The following CTTNBP2 variants were observed in gnomAD, a reference collection of about 807,000 sequenced individuals.
CTTNBP2 encodes the protein cortactin-binding protein 2.
CTTNBP2 carries 108 observed loss-of-function variants against 156.9 expected under a neutral mutation model. The observed-to-expected ratio is 0.69, with a 90% CI of 0.59 to 0.81. The LOEUF (loss-of-function observed/expected upper bound fraction) is 0.81. Among genes scored for constraint, CTTNBP2 ranks in the 30% least tolerant of loss-of-function variants. The pLI is 0.00. For missense variants in CTTNBP2, 1,924 were observed against 2,035.4 expected (o/e 0.95, Z 1.05); for synonymous variants, 767 against 751.8 (o/e 1.02, Z -0.33).
intron 2 of CTTNBP2, among the ~76,000 whole-genome samples, chr7:117,824,773 C>T (rs769955503): frequency 2.0e-5 from 3 of 152,248 alleles, no homozygotes; most frequent in Non-Finnish European, 4.4e-5. Context: ...GCTTCCTTCA[C>T]TTCAACGCCT....
chr7:117,814,368 T>C (rs779447414), intron 2 of CTTNBP2, among the ~76,000 whole-genome samples: 3 of 152,262 alleles, frequency 2.0e-5, no homozygotes, highest in Admixed American at 6.5e-5. Context: ...TGCAGACGAA[T>C]TTTTTTCTGC....
At chr7:117,769,943 C>T (rs1797715605) in intron 8 of CTTNBP2, among the ~76,000 whole-genome samples, 1 of 152,196 alleles carries the variant, frequency 6.6e-6, no homozygotes, top group African/African-American at 2.4e-5. Context: ...TTTCATTTCT[C>T]TATCTGTATT....
chr7:117,814,525 T>C (rs1800467218), intron 2 of CTTNBP2, among the ~76,000 whole-genome samples: 1 of 152,150 alleles, frequency 6.6e-6, no homozygotes, highest in Admixed American at 6.5e-5. Flanking sequence ...TCTCAGGCTT[T>C]AGTGATCTTC....
At chr7:117,734,736 A>C (rs966197165) in intron 16 of CTTNBP2, among the ~76,000 whole-genome samples, 177 bp downstream of exon 16, 1 of 152,202 alleles carries the variant, frequency 6.6e-6, no homozygotes, top group Non-Finnish European at 1.5e-5. Context: ...CTTGTAGTTA[A>C]TGTAGTGCAG....
intron 2 of CTTNBP2, among the ~76,000 whole-genome samples, chr7:117,858,563 C>A (rs1043981656): frequency 6.6e-6 from 1 of 152,122 alleles, no homozygotes; most frequent in African/African-American, 2.4e-5. Flanking sequence ...GCCAGTGGTT[C>A]TCCACAGGAG....
Position 117,784,430 on chromosome 7 carries a change from A to C in CTTNBP2, c.2093T>G (p.Leu698Trp), listed in dbSNP as rs767674226. ...GGGGGCAGGACCACCACTCATTAGC[A>C]AAGGGGTTAGGGAGGGTGACCAGCC... ...ASGWSPSLTP[L>W]LMSGGPAPLA... Residue 698 changes from leucine (L) to tryptophan (W), a missense_variant, in exon 5 of 23, where the codon TTG becomes TGG. Physicochemically the swap from Leu to Trp is moderately conservative, Grantham distance 61. Coordinates refer to ENST00000160373, the MANE Select transcript of CTTNBP2 (RefSeq NM_033427.3). 2 of 1,606,592 alleles carry C rather than the reference A, an allele frequency of 1.2e-6. No individual in the cohort carries two copies. Among genetic ancestry groups the C allele is most frequent in the Non-Finnish European group, 1.7e-6 (2 of 1,177,550 alleles).
At chr7:117,715,379 T>G (rs1260643418) in intron 22 of CTTNBP2, among the ~76,000 whole-genome samples, 1 of 151,058 alleles carries the variant, frequency 6.6e-6, no homozygotes, top group Non-Finnish European at 1.5e-5. Context: ...TTTAGAACAG[T>G]GGGTCTCAAC....
intron 3 of CTTNBP2, among the ~76,000 whole-genome samples, chr7:117,796,043 T>A (rs35967598): frequency 0.014 from 2,084 of 152,280 alleles, 50 homozygotes; most frequent in African/African-American, 0.047. Context: ...ACAGACTCCT[T>A]TATCAAAAAC....
chr7:117,869,089 T>A (rs564559847), intron 1 of CTTNBP2, among the ~76,000 whole-genome samples: 1 of 152,324 alleles, frequency 6.6e-6, no homozygotes, highest in South Asian at 2.1e-4. Context: ...AATCATCATT[T>A]TGAAAAGCGA....
At chr7:117,741,261 G>A (rs1446663049) in intron 14 of CTTNBP2, among the ~76,000 whole-genome samples, 1 of 152,178 alleles carries the variant, frequency 6.6e-6, no homozygotes, top group African/African-American at 2.4e-5. Flanking sequence ...AGAGCTTAGG[G>A]ACTGCCTAGA....
intron 15 of CTTNBP2, 79 bp downstream of exon 15, chr7:117,735,190 T>C: frequency 6.3e-7 from 1 of 1,587,678 alleles, no homozygotes; most frequent in South Asian, 1.1e-5. Flanking sequence ...ACATGAAGTA[T>C]AACTGGTACT....
chr7:117,753,558 G>T (rs960149882), intron 12 of CTTNBP2, among the ~76,000 whole-genome samples: 1 of 152,128 alleles, frequency 6.6e-6, no homozygotes, highest in African/African-American at 2.4e-5. Context: ...TATACACCAT[G>T]GAATACTAAG....
intron 4 of CTTNBP2, among the ~76,000 whole-genome samples, chr7:117,788,623 A>G (rs1798830679): frequency 6.6e-6 from 1 of 152,178 alleles, no homozygotes; most frequent in Non-Finnish European, 1.5e-5. Flanking sequence ...AGTGGCGAAA[A>G]TAGGGGCAAT....
At chr7:117,811,776 T>A (rs1318257161) in intron 2 of CTTNBP2, among the ~76,000 whole-genome samples, 2 of 151,656 alleles carry the variant, frequency 1.3e-5, no homozygotes, top group African/African-American at 4.8e-5. Flanking sequence ...CATGGATGTC[T>A]GGTAAGAAGA....
chr7:117,739,806 C>A lies in CTTNBP2; in HGVS notation c.3536-4385G>T, dbSNP rs1422781078. Among the ~76,000 whole-genome samples, 7 of 152,224 alleles carry A rather than the reference C, an allele frequency of 4.6e-5. No individual in the cohort carries two copies. The East Asian group carries it at 1.4e-3, about 29-fold the overall frequency. ...GCACAGGGCAAGCCTTTAAAGAGTCCCAGGAATGCAGGGCCCAAGGAGGTA... is the reference window on the plus strand; with the variant it reads ...GCACAGGGCAAGCCTTTAAAGAGTCACAGGAATGCAGGGCCCAAGGAGGTA... On this transcript the variant is annotated intron_variant, in intron 14 of 22. Coordinates refer to ENST00000160373, the MANE Select transcript of CTTNBP2 (RefSeq NM_033427.3).
chr7:117,720,205 C>T (rs1794705228), intron 20 of CTTNBP2, among the ~76,000 whole-genome samples: 1 of 152,148 alleles, frequency 6.6e-6, no homozygotes, highest in Admixed American at 6.5e-5. Flanking sequence ...TTACCCTCCC[C>T]TCTTCTGTAA....
intron 4 of CTTNBP2, among the ~76,000 whole-genome samples, chr7:117,786,868 A>AT (rs879488734): frequency 4.6e-5 from 7 of 151,540 alleles, no homozygotes; most frequent in South Asian, 4.2e-4. Context: ...CGAAAGACAA[A>AT]TTTTTTTTTC....
chr7:117,825,737 G>A (rs1313654758), intron 2 of CTTNBP2, among the ~76,000 whole-genome samples: 2 of 152,076 alleles, frequency 1.3e-5, no homozygotes, highest in Non-Finnish European at 1.5e-5. Flanking sequence ...ACCTAAACCA[G>A]AATTTTGTTG....
Position 117,762,804 on chromosome 7 carries a change from C to CA in CTTNBP2, c.2897-2095dup, listed in dbSNP as rs1358018810. Among the ~76,000 whole-genome samples, 30 of 152,310 alleles carry CA rather than the reference C, an allele frequency of 2.0e-4. 1 individual carries two copies. Among genetic ancestry groups the CA allele is most frequent in the African/African-American group, 7.2e-4 (30 of 41,570 alleles). On this transcript the variant is annotated intron_variant, in intron 9 of 22. Coordinates refer to ENST00000160373, the MANE Select transcript of CTTNBP2 (RefSeq NM_033427.3). ...CACCCTGTAACTGCTCTCCTGCACT[C>CA]AAACACTGAAATGGCTACTGCTCTG...
Sources: gnomAD v4.1 joint callset for allele counts (sites outside exome capture counted in the v4.1 genomes callset) on GRCh38, gnomAD v4.1.1 for gene constraint, MANE v1.5 for transcripts, NCBI Gene and HGNC (gene_info 2026-07-23, HGNC 2026-07-21) for gene names.